Variants in MAP7D3 observed in about 807,000 individuals in gnomAD.
The protein encoded by MAP7D3 is MAP7 domain-containing protein 3.
MAP7D3 carries 45 observed loss-of-function variants against 62.2 expected under a neutral mutation model. That is an observed-to-expected ratio of 0.72 (90% confidence interval 0.57 to 0.93). The LOEUF (loss-of-function observed/expected upper bound fraction) is 0.93, where lower values mean the gene tolerates loss of function less well. MAP7D3 is among the 40% of genes least tolerant of loss of function. The pLI, the probability that MAP7D3 is intolerant of heterozygous loss-of-function variation, is 0.00. For missense variants in MAP7D3, 711 were observed against 683.1 expected (o/e 1.04, Z -0.45); for synonymous variants, 288 against 248.8 (o/e 1.16, Z -1.48).
intron 14 of MAP7D3, among the ~76,000 whole-genome samples, chrX:136,222,941 G>A (rs1240072945): frequency 9.2e-6 from 1 of 108,930 alleles, no homozygotes; most frequent in African/African-American, 3.4e-5. Context: ...TTTTGGACTC[G>A]AGTGATCTCC....
chrX:136,244,342 C>T (rs887939004), intron 4 of MAP7D3, among the ~76,000 whole-genome samples: 6 of 111,565 alleles, frequency 5.4e-5, no homozygotes, highest in African/African-American at 2.0e-4. Context: ...TCAGAACAAA[C>T]CCCAGGCCAC....
intron 12 of MAP7D3, among the ~76,000 whole-genome samples, chrX:136,226,855 G>A (rs932405036): frequency 1.8e-5 from 2 of 111,547 alleles, no homozygotes; most frequent in African/African-American, 3.3e-5. Flanking sequence ...GAGGTTGGGC[G>A]CAGTGGCTTA....
intron 16 of MAP7D3, among the ~76,000 whole-genome samples, chrX:136,220,126 C>T (rs887677647): frequency 9.0e-6 from 1 of 111,691 alleles, no homozygotes; most frequent in Admixed American, 9.5e-5. Flanking sequence ...TCCTGCTCTC[C>T]TGACCTAACT....
At chrX:136,238,130 G>T (rs959593118) in intron 6 of MAP7D3, among the ~76,000 whole-genome samples, 1 of 111,463 alleles carries the variant, frequency 9.0e-6, no homozygotes, top group Non-Finnish European at 1.9e-5. Context: ...TATCATTGAT[G>T]GACATTTGGG....
chrX:136,220,071 C>A (rs1215972492), intron 16 of MAP7D3, among the ~76,000 whole-genome samples: 1 of 112,408 alleles, frequency 8.9e-6, no homozygotes, highest in African/African-American at 3.2e-5. Flanking sequence ...AGGTGAATGT[C>A]TTCTCAGGCA....
At position 136,231,867 on chromosome X, in the gene MAP7D3, A is replaced by G; in HGVS notation, c.1090T>C (p.Leu364=). 8.3e-7 allele frequency: 1 copy of G among 1,210,262 alleles called. No homozygotes were observed. The highest frequency in any genetic ancestry group is 1.8e-5 in the South Asian group (1 of 56,860). ...SEMSMDASPE[L]SIEALPKVDL... is the part of the protein sequence containing the mutation. Reference sequence around the variant, plus strand: ...ACCTTCGGGAGTGCTTCTATGCTCAACTCGGGGGATGCGTCCATGCTCATC... The same window carrying G: ...ACCTTCGGGAGTGCTTCTATGCTCAGCTCGGGGGATGCGTCCATGCTCATC... The change falls in exon 8 of 19, where the codon TTG becomes CTG. Residue 364 remains leucine, a synonymous_variant. Transcript: ENST00000316077.
chrX:136,236,281 C>T lies in MAP7D3; in HGVS notation c.699G>A (p.Ser233=), dbSNP rs770233543. Residue 233 remains serine (S), a synonymous_variant, in exon 7 of 19, where the codon TCG becomes TCA. Transcript: ENST00000316077. ...TTTCGGCTTGTTCTTTATCAGTAGA[C>T]GAATGTAGGTTACTATCTCTTCTAT... ...SLNRRDSNLH[S]STDKEQAERK... The T allele has an allele frequency of 7.0e-5, 84 of 1,193,595 alleles. No homozygotes were observed. The highest frequency in any genetic ancestry group is 1.6e-4 in the African/African-American group (9 of 56,743).
upstream of MAP7D3, among the ~76,000 whole-genome samples, chrX:136,252,104 A>C (rs757118870): frequency 9.0e-6 from 1 of 111,717 alleles, no homozygotes; most frequent in African/African-American, 3.3e-5. Flanking sequence ...GGCAGACCTC[A>C]CTTCATGGGG....
At chrX:136,250,154 T>G (rs762759261) in intron 1 of MAP7D3, among the ~76,000 whole-genome samples, 10 of 111,961 alleles carry the variant, frequency 8.9e-5, no homozygotes, top group African/African-American at 3.2e-4. Flanking sequence ...CCCTAATGAA[T>G]GGTGAAAGTG....
chrX:136,240,498 C>T lies in MAP7D3; in HGVS notation c.536-12G>A, dbSNP rs1308668425. 1 of 1,016,092 alleles carries T rather than the reference C, an allele frequency of 9.8e-7. No homozygotes were observed. Among genetic ancestry groups the T allele is most frequent in the Non-Finnish European group, 1.4e-6 (1 of 721,110 alleles). The allele number at this position is 1,016,092 out of a possible 1,213,427, so 83.7% of individuals were successfully genotyped here. A position where few individuals can be genotyped will look rare whatever the true frequency, so the allele number is the denominator to read the frequency against. ...AGATCGTTTATTGGCTGAGAAAAGA[C>T]ATAATACTTACTGTAATCATATTTC... On this transcript the variant is annotated splice_polypyrimidine_tract_variant and intron_variant, in intron 5 of 18. Transcript: ENST00000316077.
intron 1 of MAP7D3, among the ~76,000 whole-genome samples, chrX:136,249,149 G>C (rs906055028): frequency 1.8e-5 from 2 of 112,080 alleles, no homozygotes; most frequent in Non-Finnish European, 3.8e-5. Context: ...CTCCTCATGA[G>C]AGTGCCCATT....
intron 6 of MAP7D3, among the ~76,000 whole-genome samples, chrX:136,237,157 A>G (rs2074338891): frequency 8.9e-6 from 1 of 112,569 alleles, no homozygotes; most frequent in Admixed American, 9.4e-5. Flanking sequence ...CTGTTTAAAA[A>G]ATAATTTCTC....
At chrX:136,242,793 G>A (rs186457344) in intron 4 of MAP7D3, among the ~76,000 whole-genome samples, 19 of 111,784 alleles carry the variant, frequency 1.7e-4, no homozygotes, top group Admixed American at 5.7e-4. Context: ...TCTTTACTTA[G>A]TTCTTGGTTC....
upstream of MAP7D3, among the ~76,000 whole-genome samples, chrX:136,255,155 G>A (rs983041747): frequency 3.6e-5 from 4 of 112,569 alleles, no homozygotes; most frequent in Non-Finnish European, 7.5e-5. Flanking sequence ...GGCCGAGGTT[G>A]TGGTGAGCTG....
chrX:136,243,134 C>T (rs1375667471), intron 4 of MAP7D3, among the ~76,000 whole-genome samples: 1 of 110,507 alleles, frequency 9.0e-6, no homozygotes, highest in Non-Finnish European at 1.9e-5. Flanking sequence ...GGAAACTGAG[C>T]ACCGCAGAGA....
At chrX:136,221,357 G>A (rs968388449) in intron 15 of MAP7D3, among the ~76,000 whole-genome samples, 8 of 111,421 alleles carry the variant, frequency 7.2e-5, no homozygotes, top group Non-Finnish European at 1.1e-4. Context: ...CGGGAATCTC[G>A]CTCTGTTGCC....
intron 6 of MAP7D3, among the ~76,000 whole-genome samples, chrX:136,236,795 T>C (rs780596439): frequency 3.6e-5 from 4 of 112,046 alleles, no homozygotes; most frequent in Admixed American, 9.5e-5. Context: ...TAAAAAGATA[T>C]TTGTTCTTAA....
downstream of MAP7D3, chrX:136,215,056 T>A (rs1274684722): frequency 1.8e-5 from 2 of 111,915 alleles, no homozygotes; most frequent in Non-Finnish European, 3.8e-5. Context: ...TCGTGCTGAT[T>A]TAAAAGTATA....
intron 7 of MAP7D3, among the ~76,000 whole-genome samples, chrX:136,232,721 T>C (rs938736869): frequency 8.9e-6 from 1 of 112,249 alleles, no homozygotes; most frequent in African/African-American, 3.2e-5. Flanking sequence ...AATAAGACAT[T>C]AATCAGAGTG....
Sources: allele counts gnomAD v4.1 joint callset (sites outside exome capture counted in the v4.1 genomes callset), GRCh38; gene constraint gnomAD v4.1.1; transcripts MANE v1.5; gene names NCBI Gene and HGNC (gene_info 2026-07-23, HGNC 2026-07-21).